The following RAB3C variants were observed in gnomAD, a reference collection of about 807,000 sequenced individuals.
RAB3C encodes RAB3C, member RAS oncogene family, also known as ras-related protein Rab-3C.
Under a neutral mutation model 26.4 loss-of-function variants are expected in RAB3C, and 17 were observed. The observed-to-expected ratio is 0.64, with a 90% confidence interval of 0.44 to 0.97. RAB3C has a LOEUF of 0.97. Among genes scored for constraint, RAB3C ranks in the 50% least tolerant of loss-of-function variants. The probability of loss-of-function intolerance (pLI) is 0.00; values close to 1 mark genes in which losing one functional copy is unlikely to be tolerated. For synonymous variants in RAB3C, 91 were observed against 95.9 expected, an observed-to-expected ratio of 0.95 and a Z score of 0.30; for missense variants, 242 against 281.9, an observed-to-expected ratio of 0.86 and a Z score of 1.01.
chr5:58,768,440 G>A (rs373973158), intron 3 of RAB3C, among the ~76,000 whole-genome samples: 4 of 47,982 alleles, frequency 8.3e-5, no homozygotes, highest in African/African-American at 1.9e-4. Context: ...ACAAACAGGT[G>A]TAGCTGGGAG....
intron 1 of RAB3C, among the ~76,000 whole-genome samples, chr5:58,606,087 G>C (rs1303703561): frequency 6.6e-6 from 1 of 152,224 alleles, no homozygotes. Flanking sequence ...AGCTGAAGCA[G>C]GGTGGGGCAT....
chr5:58,806,046 A>T (rs1178952173), intron 3 of RAB3C, among the ~76,000 whole-genome samples: 1 of 152,150 alleles, frequency 6.6e-6, no homozygotes, highest in Non-Finnish European at 1.5e-5. Context: ...GGGAAGGTGG[A>T]AAAAATATGT....
intron 1 of RAB3C, among the ~76,000 whole-genome samples, chr5:58,593,929 A>G (rs937829650): frequency 6.6e-6 from 1 of 152,138 alleles, no homozygotes; most frequent in African/African-American, 2.4e-5. Flanking sequence ...CGACCTTCAA[A>G]AAAACCACAT....
chr5:58,734,520 G>T (rs1365552091), intron 3 of RAB3C, among the ~76,000 whole-genome samples: 1 of 152,070 alleles, frequency 6.6e-6, no homozygotes, highest in African/African-American at 2.4e-5. Context: ...ATTTCTTATT[G>T]CTGGTCGGAC....
At chr5:58,809,070 C>T (rs1743010778) in intron 3 of RAB3C, among the ~76,000 whole-genome samples, 1 of 151,988 alleles carries the variant, frequency 6.6e-6, no homozygotes, top group South Asian at 2.1e-4. Flanking sequence ...GGGCAAAAGC[C>T]CAGCAAAATT....
intron 3 of RAB3C, among the ~76,000 whole-genome samples, chr5:58,748,833 C>T (rs1312139033): frequency 1.3e-5 from 2 of 152,132 alleles, no homozygotes; most frequent in African/African-American, 4.8e-5. Flanking sequence ...TTCTCTTGCA[C>T]ATAGGTAGGC....
chr5:58,718,962 G>T (rs16888470), intron 2 of RAB3C, among the ~76,000 whole-genome samples: 1 of 151,952 alleles, frequency 6.6e-6, no homozygotes, highest in Non-Finnish European at 1.5e-5. Context: ...ATTCAATACT[G>T]TTTTGTGCCT....
chr5:58,760,550 C>G (rs1561121642), intron 3 of RAB3C, among the ~76,000 whole-genome samples: 1 of 152,206 alleles, frequency 6.6e-6, no homozygotes, highest in African/African-American at 2.4e-5. Context: ...AAACACTTAA[C>G]TGAATATCAC....
chr5:58,811,548 G>A (rs1248620552), intron 3 of RAB3C, among the ~76,000 whole-genome samples: 5 of 152,122 alleles, frequency 3.3e-5, no homozygotes, highest in African/African-American at 1.2e-4. Context: ...CAAGGCCTAG[G>A]AAAGGGACAA....
chr5:58,813,598 A>T (rs1355009999), intron 3 of RAB3C, among the ~76,000 whole-genome samples: 9 of 9,418 alleles, frequency 9.6e-4, no homozygotes, highest in East Asian at 3.2e-3. Flanking sequence ...ATATTTATAT[A>T]TATATATATA....
At chr5:58,806,614 G>A (rs111230277) in intron 3 of RAB3C, among the ~76,000 whole-genome samples, 2 of 152,132 alleles carry the variant, frequency 1.3e-5, no homozygotes, top group African/African-American at 4.8e-5. Context: ...CAGATGTCCT[G>A]TGCATGGAAG....
chr5:58,744,126 T>G (rs1291275147), intron 3 of RAB3C, among the ~76,000 whole-genome samples: 2 of 152,176 alleles, frequency 1.3e-5, no homozygotes, highest in Non-Finnish European at 2.9e-5. Flanking sequence ...ATATAACAAG[T>G]CCTGGTCATG....
chr5:58,594,078 G>T lies in RAB3C; in HGVS notation c.24+10846G>T, dbSNP rs149080238. Among the ~76,000 whole-genome samples the T allele has an allele frequency of 3.1e-3, 473 of 152,260 alleles. 2 individuals carry two copies. Among genetic ancestry groups the T allele is most frequent in the Non-Finnish European group, 5.1e-3 (344 of 68,016 alleles). On this transcript the variant is annotated intron_variant, in intron 1 of 4. Transcript: ENST00000282878. The stretch of plus-strand genomic sequence containing the variant: ...TAAGGTCATCAGCCTCTCATCACTT[G>T]TCTGCTGCCACTTGTTTAACTCTAG...
intron 3 of RAB3C, among the ~76,000 whole-genome samples, chr5:58,769,842 T>A (rs530164760): frequency 6.6e-6 from 1 of 152,188 alleles, no homozygotes; most frequent in Non-Finnish European, 1.5e-5. Context: ...TTCTTTCTGA[T>A]AAAATATGAA....
chr5:58,632,788 C>G (rs1016090292), intron 2 of RAB3C, among the ~76,000 whole-genome samples: 1 of 152,162 alleles, frequency 6.6e-6, no homozygotes, highest in African/African-American at 2.4e-5. Flanking sequence ...TCCCTACCAG[C>G]CTATTACCAT....
intron 3 of RAB3C, among the ~76,000 whole-genome samples, chr5:58,768,721 C>T (rs1741961409): frequency 1.3e-5 from 2 of 151,828 alleles, no homozygotes; most frequent in South Asian, 4.2e-4. Context: ...CTTGCTGAGT[C>T]CAAGCAGCAG....
intron 3 of RAB3C, among the ~76,000 whole-genome samples, chr5:58,792,941 A>G (rs1262705813): frequency 2.0e-5 from 3 of 152,176 alleles, no homozygotes; most frequent in Non-Finnish European, 4.4e-5. Context: ...TTTATCATTG[A>G]CATTGTTTTG....
At chr5:58,783,414 A>G (rs1742311811) in intron 3 of RAB3C, among the ~76,000 whole-genome samples, 2 of 152,312 alleles carry the variant, frequency 1.3e-5, no homozygotes, top group East Asian at 1.9e-4. Context: ...ATCATTTAGA[A>G]CAGAAAGCTT....
At chr5:58,620,771 G>A (rs1746919170) in intron 2 of RAB3C, among the ~76,000 whole-genome samples, 1 of 152,178 alleles carries the variant, frequency 6.6e-6, no homozygotes, top group African/African-American at 2.4e-5. Context: ...GAGTCTTCTT[G>A]ACTAATGTGG....
Sources: allele counts gnomAD v4.1 joint callset (sites outside exome capture counted in the v4.1 genomes callset), GRCh38; gene constraint gnomAD v4.1.1; transcripts MANE v1.5; gene names NCBI Gene and HGNC (gene_info 2026-07-23, HGNC 2026-07-21).